The following KCNIP4 variants were observed in gnomAD, a reference collection of about 807,000 sequenced individuals.
The protein encoded by KCNIP4 is Kv channel-interacting protein 4.
Under a neutral mutation model 34.0 loss-of-function variants are expected in KCNIP4, and 12 were observed. The observed-to-expected ratio is 0.35, with a 90% CI of 0.23 to 0.57. KCNIP4 has a LOEUF of 0.57. KCNIP4 is among the 20% of genes least tolerant of loss of function. The pLI, the probability that KCNIP4 is intolerant of heterozygous loss-of-function variation, is 0.83. For synonymous variants in KCNIP4, 124 were observed against 102.2 expected, an observed-to-expected ratio of 1.21 and a Z score of -1.29; for missense variants, 238 against 311.7, an observed-to-expected ratio of 0.76 and a Z score of 1.78.
chr4:20,908,098 CTTTT>C (rs11364819), intron 1 of KCNIP4, among the ~76,000 whole-genome samples: 5 of 109,140 alleles, frequency 4.6e-5, no homozygotes, highest in Admixed American at 9.9e-5. Context: ...TGTCATCATT[CTTTT>C]TTTTTTTTTT....
In KCNIP4 at chr4:21,093,899, G is replaced by A. The variant is rs528611606; in HGVS notation, c.62-211190C>T. Among the ~76,000 whole-genome samples the A allele has an allele frequency of 3.2e-3, 483 of 152,028 alleles. 1 individual carries two copies. The highest frequency in any genetic ancestry group is 5.6e-3 in the Non-Finnish European group (383 of 67,986). On this transcript the variant is annotated intron_variant, in intron 1 of 8. Transcript: ENST00000382152. ...AGATCGAGACCATCCTGACTAACAC[G>A]GTTAAACCCCATCTCTACTAAAAAT...
chr4:21,611,436 C>T (rs1744149663), intron 1 of KCNIP4, among the ~76,000 whole-genome samples: 1 of 152,106 alleles, frequency 6.6e-6, no homozygotes, highest in African/African-American at 2.4e-5. Context: ...GATCCAATCA[C>T]CTCCCATCAA....
rs192781387 is a variant in KCNIP4, at chr4:21,507,504, G to A, written c.61+441067C>T. Reference sequence around the variant, plus strand: ...ACTCCTGAGCTCAGACAATCTGCCCGCTTAGGTCTCCCAAAGTGCTAGAAT... The same window carrying A: ...ACTCCTGAGCTCAGACAATCTGCCCACTTAGGTCTCCCAAAGTGCTAGAAT... On this transcript the variant is annotated intron_variant, in intron 1 of 8. Transcript: ENST00000382152. Among the ~76,000 whole-genome samples the A allele has an allele frequency of 8.5e-5, 13 of 152,116 alleles. 1 individual carries two copies. The East Asian group carries it at 1.4e-3, about 16-fold the overall frequency.
At chr4:21,330,677 A>T (rs1715540368) in intron 1 of KCNIP4, among the ~76,000 whole-genome samples, 1 of 152,194 alleles carries the variant, frequency 6.6e-6, no homozygotes, top group South Asian at 2.1e-4. Context: ...CAAAAAAGTG[A>T]TGTCCTTAAA....
At chr4:21,332,092 A>T (rs1395523776) in intron 1 of KCNIP4, among the ~76,000 whole-genome samples, 1 of 152,080 alleles carries the variant, frequency 6.6e-6, no homozygotes, top group African/African-American at 2.4e-5. Flanking sequence ...GATCTATAAA[A>T]TTTTAAAAGC....
chr4:20,823,452 A>G (rs766967594), intron 3 of KCNIP4, among the ~76,000 whole-genome samples: 10 of 152,100 alleles, frequency 6.6e-5, no homozygotes, highest in Non-Finnish European at 1.2e-4. Context: ...CATAGGTTGA[A>G]ATTCTAACCC....
intron 1 of KCNIP4, among the ~76,000 whole-genome samples, chr4:21,744,125 A>G (rs909035398): frequency 6.6e-6 from 1 of 152,148 alleles, no homozygotes; most frequent in Non-Finnish European, 1.5e-5. Flanking sequence ...TCTAATAAAC[A>G]TTTTGCAGAC....
chr4:21,070,393 T>G (rs565890627), intron 1 of KCNIP4, among the ~76,000 whole-genome samples: 10 of 142,252 alleles, frequency 7.0e-5, no homozygotes, highest in Admixed American at 4.2e-4. Context: ...TTTAGATTTT[T>G]TTTTTTAAAG....
At chr4:21,324,346 C>T (rs1406248687) in intron 1 of KCNIP4, among the ~76,000 whole-genome samples, 1 of 151,922 alleles carries the variant, frequency 6.6e-6, no homozygotes, top group Non-Finnish European at 1.5e-5. Flanking sequence ...GGGGAATTTT[C>T]TCAACATTTT....
intron 1 of KCNIP4, among the ~76,000 whole-genome samples, chr4:21,213,521 C>T (rs1162114364): frequency 7.2e-5 from 11 of 152,020 alleles, no homozygotes; most frequent in African/African-American, 2.4e-4. Context: ...AGGCTGGTCT[C>T]GAACTCTTGA....
At chr4:21,066,955 C>T (rs1249956792) in intron 1 of KCNIP4, among the ~76,000 whole-genome samples, 1 of 152,078 alleles carries the variant, frequency 6.6e-6, no homozygotes, top group Non-Finnish European at 1.5e-5. Flanking sequence ...CCCTCCTCAA[C>T]CCTAGGCAGT....
Position 21,187,024 on chromosome 4 carries a change from T to A in KCNIP4, c.62-304315A>T, listed in dbSNP as rs542531320. ...CCTATTTTAGGGTAGCATGAGCATT[T>A]TCTTTTTCCTGAACTCCATATGTTT... On this transcript the variant is annotated intron_variant, in intron 1 of 8. Transcript: ENST00000382152. 3.3e-5 allele frequency among the ~76,000 whole-genome samples: 5 copies of A among 152,318 alleles called. No homozygotes were observed. The South Asian group carries it at 1.0e-3, about 32-fold the overall frequency.
At chr4:21,845,011 T>G (rs1723926384) in intron 1 of KCNIP4, 1 of 151,548 alleles carries the variant, frequency 6.6e-6, no homozygotes, top group South Asian at 2.1e-4. Flanking sequence ...GCAATTTTGG[T>G]TTACGGTTTT....
chr4:21,526,880 A>T (rs1282603026), intron 1 of KCNIP4, among the ~76,000 whole-genome samples: 3 of 152,316 alleles, frequency 2.0e-5, no homozygotes, highest in African/African-American at 7.2e-5. Context: ...GTTTTAATGA[A>T]ATGCCTGGGC....
intron 1 of KCNIP4, among the ~76,000 whole-genome samples, chr4:21,071,225 C>T (rs531303672): frequency 3.9e-5 from 6 of 152,028 alleles, no homozygotes; most frequent in South Asian, 4.1e-4. Context: ...CATAGCATTA[C>T]GTTTTACATT....
intron 1 of KCNIP4, among the ~76,000 whole-genome samples, chr4:21,283,503 C>A (rs1254405295): frequency 6.6e-6 from 1 of 151,634 alleles, no homozygotes; most frequent in East Asian, 1.9e-4. Context: ...TAGATCTTTT[C>A]ATTTGTCTTT....
intron 1 of KCNIP4, among the ~76,000 whole-genome samples, chr4:20,894,957 C>A (rs989088229): frequency 6.6e-6 from 1 of 152,170 alleles, no homozygotes; most frequent in East Asian, 1.9e-4. Flanking sequence ...TTAACCTTCA[C>A]AAGAGCCCCA....
At chr4:21,083,210 C>T in intron 1 of KCNIP4, among the ~76,000 whole-genome samples, 1 of 151,660 alleles carries the variant, frequency 6.6e-6, no homozygotes, top group Non-Finnish European at 1.5e-5. Context: ...TATTTTATCC[C>T]TAAGGAAGAT....
intron 3 of KCNIP4, among the ~76,000 whole-genome samples, chr4:20,810,067 T>C (rs187765766): frequency 6.6e-6 from 1 of 152,344 alleles, no homozygotes; most frequent in Non-Finnish European, 1.5e-5. Flanking sequence ...AGCACTCTGA[T>C]GTCTGTGAAC....
Sources: allele counts gnomAD v4.1 joint callset (sites outside exome capture counted in the v4.1 genomes callset), GRCh38; gene constraint gnomAD v4.1.1; transcripts MANE v1.5; gene names NCBI Gene and HGNC (gene_info 2026-07-23, HGNC 2026-07-21).